VRK2: variants seen among roughly 807,000 people sequenced by gnomAD.
VRK2 encodes serine/threonine-protein kinase VRK2.
A neutral mutation model predicts 57.6 loss-of-function variants in VRK2; 60 were observed. The ratio of observed to expected loss-of-function variants is 1.04; its 90% confidence interval spans 0.85 to 1.29. The LOEUF (loss-of-function observed/expected upper bound fraction) is 1.29, where lower values mean the gene tolerates loss of function less well. Among genes scored for constraint, VRK2 ranks in the 50% most tolerant of loss-of-function variants. VRK2 has a pLI of 0.00. For missense variants in VRK2, 705 were observed against 588.1 expected (o/e 1.20, Z -2.06); for synonymous variants, 231 against 199.2 (o/e 1.16, Z -1.35).
At chr2:58,122,972 G>C (rs1677747665) in intron 7 of VRK2, 129 bp from the exon 8 acceptor site, 3 of 1,160,240 alleles carry the variant, frequency 2.6e-6, no homozygotes, top group Non-Finnish European at 3.4e-6. Flanking sequence ...TTATCCTAAG[G>C]CACCATTTGG....
At chr2:58,091,269 G>T (rs1444728730) in intron 7 of VRK2, among the ~76,000 whole-genome samples, 1 of 152,152 alleles carries the variant, frequency 6.6e-6, no homozygotes, top group Non-Finnish European at 1.5e-5. Context: ...TGCTACTCTA[G>T]TGAGGGATGT....
In VRK2 at chr2:58,075,374, G is replaced by A. The variant is rs145307924; in HGVS notation, c.137-8715G>A. The stretch of plus-strand genomic sequence containing the variant: ...CATGTGCATGGGTCTTTTTGGTAAA[G>A]CAATTTATATTCTTTTGGGTATATA... On this transcript the variant is annotated intron_variant, in intron 2 of 12. Coordinates refer to ENST00000340157, the MANE Select transcript of VRK2 (RefSeq NM_006296.7). Among the ~76,000 whole-genome samples, 487 of 152,110 alleles carry A rather than the reference G, an allele frequency of 3.2e-3. 7 individuals carry two copies. The highest frequency in any genetic ancestry group is 0.011 in the African/African-American group (463 of 41,522).
At chr2:57,916,920 T>C (rs1378727330) in intron 1 of VRK2, among the ~76,000 whole-genome samples, 1 of 152,292 alleles carries the variant, frequency 6.6e-6, no homozygotes, top group East Asian at 1.9e-4. Flanking sequence ...CATAAGGCTG[T>C]TGTGGGAATC....
chr2:58,028,330 G>A (rs1248630600), intron 2 of VRK2: 1 of 152,186 alleles, frequency 6.6e-6, no homozygotes, highest in Admixed American at 6.5e-5. Context: ...ATAAAGAAGA[G>A]AAGTGGCCAT....
chr2:58,032,634 T>C (rs1322719749), intron 2 of VRK2, among the ~76,000 whole-genome samples: 2 of 152,038 alleles, frequency 1.3e-5, no homozygotes, highest in Non-Finnish European at 2.9e-5. Context: ...TGCAAAATCT[T>C]GAGATAAAGG....
chr2:57,929,819 G>T (rs1670661066), intron 1 of VRK2, among the ~76,000 whole-genome samples: 1 of 152,120 alleles, frequency 6.6e-6, no homozygotes, highest in Admixed American at 6.6e-5. Context: ...AAGGCAATGG[G>T]TTCCTTTTTG....
chr2:57,963,535 T>C (rs1450500595), intron 1 of VRK2, among the ~76,000 whole-genome samples: 6 of 152,192 alleles, frequency 3.9e-5, no homozygotes, highest in African/African-American at 1.4e-4. Flanking sequence ...TTAAAAAAAA[T>C]TCTTGACACA....
At chr2:58,097,306 G>GT (rs892747686) in intron 7 of VRK2, among the ~76,000 whole-genome samples, 146 of 150,384 alleles carry the variant, frequency 9.7e-4, no homozygotes, top group Admixed American at 7.2e-3. Flanking sequence ...TTCTCCTATA[G>GT]TTTTTTTTTA....
chr2:57,975,294 C>T (rs1162823878), intron 1 of VRK2, among the ~76,000 whole-genome samples: 1 of 151,884 alleles, frequency 6.6e-6, no homozygotes, highest in Non-Finnish European at 1.5e-5. Flanking sequence ...CATAAAAATG[C>T]TAAACAAAAT....
intron 1 of VRK2, among the ~76,000 whole-genome samples, chr2:58,011,188 TA>T (rs1673407752): frequency 6.6e-6 from 1 of 152,194 alleles, no homozygotes; most frequent in African/African-American, 2.4e-5. Flanking sequence ...GAATTTGCAT[TA>T]AGAGCAGCAA....
At chr2:57,980,795 G>A (rs1672399396) in intron 1 of VRK2, among the ~76,000 whole-genome samples, 1 of 151,996 alleles carries the variant, frequency 6.6e-6, no homozygotes, top group South Asian at 2.1e-4. Context: ...GCCCTTCTTT[G>A]TCCTTTTTGA....
At chr2:58,137,425 A>C (rs570313275) in intron 10 of VRK2, among the ~76,000 whole-genome samples, 13 of 151,826 alleles carry the variant, frequency 8.6e-5, no homozygotes, top group Non-Finnish European at 1.8e-4. Flanking sequence ...GATTTGAGTC[A>C]GATGAGTAAT....
chr2:58,153,360 G>C (rs1018200605), intron 12 of VRK2, among the ~76,000 whole-genome samples: 1 of 151,944 alleles, frequency 6.6e-6, no homozygotes, highest in African/African-American at 2.4e-5. Flanking sequence ...TTTTATAGAT[G>C]TTCTGTATAA....
At chr2:57,979,299 C>T (rs77228933) in intron 1 of VRK2, among the ~76,000 whole-genome samples, 30 of 150,972 alleles carry the variant, frequency 2.0e-4, no homozygotes, top group Non-Finnish European at 1.0e-4. Flanking sequence ...AAAAGCATTC[C>T]TATTTCTCCA....
At chr2:58,148,436 A>G (rs1369876334) in intron 12 of VRK2, among the ~76,000 whole-genome samples, 2 of 151,870 alleles carry the variant, frequency 1.3e-5, no homozygotes, top group Non-Finnish European at 2.9e-5. Flanking sequence ...ATCCTCTCCT[A>G]GCATGCGGCC....
intron 1 of VRK2, among the ~76,000 whole-genome samples, chr2:57,938,761 T>A (rs1410432814): frequency 6.6e-6 from 1 of 152,148 alleles, no homozygotes; most frequent in Non-Finnish European, 1.5e-5. Context: ...GGAGACAAGA[T>A]GAGAGATGTA....
chr2:57,999,591 T>C (rs1673028197), intron 1 of VRK2, among the ~76,000 whole-genome samples: 1 of 152,140 alleles, frequency 6.6e-6, no homozygotes. Flanking sequence ...TACATAAATA[T>C]AAAAAATTTT....
At chr2:57,961,183 A>G (rs540383133) in intron 1 of VRK2, among the ~76,000 whole-genome samples, 2 of 152,376 alleles carry the variant, frequency 1.3e-5, no homozygotes, top group South Asian at 4.1e-4. Flanking sequence ...CTGGATTTCT[A>G]TCATTATCAT....
intron 2 of VRK2, among the ~76,000 whole-genome samples, chr2:58,029,740 G>A (rs1674055577): frequency 6.6e-6 from 1 of 152,070 alleles, no homozygotes; most frequent in Admixed American, 6.6e-5. Context: ...CAGCTCTGGG[G>A]TCTAATGAGC....
Sources: gnomAD v4.1 joint callset for allele counts (sites outside exome capture counted in the v4.1 genomes callset) on GRCh38, gnomAD v4.1.1 for gene constraint, MANE v1.5 for transcripts, NCBI Gene and HGNC (gene_info 2026-07-23, HGNC 2026-07-21) for gene names.